The following ABCB4 variants were observed in gnomAD, a reference collection of about 807,000 sequenced individuals.
ABCB4 encodes phosphatidylcholine translocator ABCB4.
A neutral mutation model predicts 145.7 loss-of-function variants in ABCB4; 76 were observed. The observed-to-expected ratio is 0.52, with a 90% CI of 0.43 to 0.63. ABCB4 has a LOEUF of 0.63. ABCB4 is among the 30% of genes least tolerant of loss of function. The pLI is 0.00. For synonymous variants in ABCB4, 517 were observed against 566.8 expected, an observed-to-expected ratio of 0.91 and a Z score of 1.25; for missense variants, 1,234 against 1,553.1, an observed-to-expected ratio of 0.79 and a Z score of 3.45.
At chr7:87,372,811 A>T in the ABCB4 span, among the ~76,000 whole-genome samples, 1 of 152,242 alleles carries the variant, frequency 6.6e-6, no homozygotes, top group Admixed American at 6.5e-5. Context: ...GCTGAATAAC[A>T]TTCTATTTTA....
chr7:87,449,582 C>CA (rs1441264524), intron 8 of ABCB4, among the ~76,000 whole-genome samples: 1 of 149,250 alleles, frequency 6.7e-6, no homozygotes, highest in Non-Finnish European at 1.5e-5. Flanking sequence ...CACAGGTGCA[C>CA]ACCACCACAC....
At chr7:87,475,777 A>C (rs1813779296), upstream of ABCB4, 1 of 241,042 alleles carries the variant, frequency 4.1e-6, no homozygotes, top group Non-Finnish European at 7.5e-6. Flanking sequence ...CTACCGTTGC[A>C]GCCAGGGCGA....
At chr7:87,447,357 T>G in intron 8 of ABCB4, 152 bp from the exon 9 acceptor site, 2 of 732,382 alleles carry the variant, frequency 2.7e-6, no homozygotes, top group Non-Finnish European at 2.3e-6. Context: ...GGAATTGAAC[T>G]AATTCAGGAT....
At chr7:87,386,707 A>G in the ABCB4 span, among the ~76,000 whole-genome samples, 7 of 152,124 alleles carry the variant, frequency 4.6e-5, no homozygotes, top group Non-Finnish European at 8.8e-5. Flanking sequence ...CTAGGGCTTT[A>G]TAGCCTCATG....
chr7:87,429,326 T>A (rs1810047008), intron 15 of ABCB4, among the ~76,000 whole-genome samples: 1 of 152,204 alleles, frequency 6.6e-6, no homozygotes, highest in African/African-American at 2.4e-5. Flanking sequence ...ATTTAGCAAG[T>A]GAGGATAACA....
chr7:87,382,025 T>C, the ABCB4 span: 1 of 1,579,068 alleles, frequency 6.3e-7, no homozygotes. Context: ...ATCTTTTTTC[T>C]CCTAATAGTT....
chr7:87,475,517 G>A, intron 1 of ABCB4, 46 bp from the exon 2 acceptor site: 1 of 1,600,644 alleles, frequency 6.2e-7, no homozygotes, highest in Non-Finnish European at 8.5e-7. Flanking sequence ...CCTCTCCGGC[G>A]GCCCGGCGCA....
the ABCB4 span, among the ~76,000 whole-genome samples, chr7:87,369,984 C>A: frequency 2.0e-5 from 3 of 151,928 alleles, no homozygotes; most frequent in Admixed American, 2.0e-4. Context: ...TTACCAACTC[C>A]TAGCATCAAC....
At chr7:87,440,066 T>C in intron 13 of ABCB4, 133 bp downstream of exon 13, 1 of 1,171,212 alleles carries the variant, frequency 8.5e-7, no homozygotes, top group South Asian at 1.3e-5. Flanking sequence ...AACTGAGTCA[T>C]TCAGGGGACT....
intron 17 of ABCB4, chr7:87,423,689 T>C: frequency 3.4e-6 from 2 of 584,962 alleles, no homozygotes; most frequent in South Asian, 4.0e-5. Context: ...CTTCATTGAT[T>C]TTACATTTTA....
At chr7:87,452,231 G>A (rs987954816) in intron 6 of ABCB4, 1 of 253,058 alleles carries the variant, frequency 4.0e-6, no homozygotes, top group African/African-American at 2.3e-5. Context: ...TCTCAACACA[G>A]CAGCCAGTGG....
intron 5 of ABCB4, among the ~76,000 whole-genome samples, chr7:87,453,870 A>G (rs1052544420): frequency 7.9e-5 from 12 of 152,166 alleles, no homozygotes; most frequent in South Asian, 2.1e-4. Flanking sequence ...CGCCCTTTCC[A>G]TATTGATTTT....
chr7:87,421,587 C>A (rs1809440018), intron 18 of ABCB4, among the ~76,000 whole-genome samples: 2 of 152,152 alleles, frequency 1.3e-5, no homozygotes. Context: ...GTATTATATT[C>A]GAAAGGCCTA....
At position 87,454,606 on chromosome 7, in the gene ABCB4, T is replaced by A; in HGVS notation, c.287-14A>T. 1 of 1,595,158 alleles carries A rather than the reference T, an allele frequency of 6.3e-7. No individual in the cohort carries two copies. Among genetic ancestry groups the A allele is most frequent in the Non-Finnish European group, 8.6e-7 (1 of 1,166,536 alleles). The stretch of plus-strand genomic sequence containing the variant: ...AGGAAAAGTTCACTAAATTAAAAAA[T>A]AAAATAAAACATGTTAAAAGATCAA... On this transcript the variant is annotated splice_polypyrimidine_tract_variant and intron_variant, in intron 4 of 27. Transcript: ENST00000649586.
chr7:87,384,656 T>C, the ABCB4 span, among the ~76,000 whole-genome samples: 1 of 152,226 alleles, frequency 6.6e-6, no homozygotes, highest in Non-Finnish European at 1.5e-5. Context: ...TTTGCAGATA[T>C]TTTCTCCCAT....
At chr7:87,366,960 C>T in the ABCB4 span, among the ~76,000 whole-genome samples, 1 of 152,196 alleles carries the variant, frequency 6.6e-6, no homozygotes, top group Non-Finnish European at 1.5e-5. Flanking sequence ...GCCTTTCGCT[C>T]TCCTTCTTGT....
intron 24 of ABCB4, among the ~76,000 whole-genome samples, chr7:87,408,498 A>C: frequency 6.6e-6 from 1 of 152,222 alleles, no homozygotes. Context: ...TAAGATATTC[A>C]TTTAGCTTTC....
At position 87,467,051 on chromosome 7, in the gene ABCB4, A is replaced by G. The variant is rs552633902; in HGVS notation, c.136-4143T>C. Among the ~76,000 whole-genome samples the G allele has an allele frequency of 3.9e-5, 6 of 152,346 alleles. No individual in the cohort carries two copies. In the South Asian group the frequency reaches 1.0e-3, roughly 26 times the overall value. On this transcript the variant is annotated intron_variant, in intron 3 of 27. Coordinates refer to ENST00000649586, the MANE Select transcript of ABCB4 (RefSeq NM_000443.4). ...CAGGATCAAATCCACACATAACTAT[A>G]TTAACCTTAAATTTAAATGGGCTAA...
intron 3 of ABCB4, among the ~76,000 whole-genome samples, chr7:87,465,798 G>A (rs201913838): frequency 1.3e-5 from 2 of 152,176 alleles, no homozygotes; most frequent in Admixed American, 6.5e-5. Context: ...AGGGTCTGGA[G>A]TGGACCTCCA....
Sources: allele counts gnomAD v4.1 joint callset (sites outside exome capture counted in the v4.1 genomes callset), GRCh38; gene constraint gnomAD v4.1.1; transcripts MANE v1.5; gene names NCBI Gene and HGNC (gene_info 2026-07-23, HGNC 2026-07-21).